Variants in NEDD9 observed in about 807,000 individuals in gnomAD.
NEDD9 encodes the protein neural precursor cell expressed, developmentally down-regulated 9, also known as enhancer of filamentation 1.
Under a neutral mutation model 76.6 loss-of-function variants are expected in NEDD9, and 26 were observed. That is an observed-to-expected ratio of 0.34 (90% CI 0.25 to 0.47). The LOEUF is 0.47. Among genes scored for constraint, NEDD9 ranks in the 20% least tolerant of loss-of-function variants. The probability of loss-of-function intolerance (pLI) is 1.00; values close to 1 mark genes in which losing one functional copy is unlikely to be tolerated. For missense variants in NEDD9, 937 were observed against 1,058.5 expected (o/e 0.89, Z 1.59); for synonymous variants, 392 against 414.2 (o/e 0.95, Z 0.65).
chr6:11,280,029 T>C (rs1031255535), intron 3 of NEDD9, among the ~76,000 whole-genome samples: 2 of 152,124 alleles, frequency 1.3e-5, no homozygotes, highest in African/African-American at 4.8e-5. Context: ...CTATTGACAT[T>C]TGGGGCCAGA....
rs1757931394 is a variant in NEDD9, at chr6:11,184,663, T to G, written c.*499A>C. The G allele has an allele frequency of 6.4e-6, 1 of 155,110 alleles. No homozygotes were observed. Among genetic ancestry groups the G allele is most frequent in the Admixed American group, 6.3e-5 (1 of 15,866 alleles). The allele number at this position is 155,110 out of a possible 1,614,324, so 9.6% of individuals were successfully genotyped here. ...CAAGAATAAGTCATGCTATGCCTCA[T>G]GATTTGGAAGGTGAACACTTGCAAA... On this transcript the variant is annotated 3_prime_UTR_variant, in exon 7 of 7. Transcript: ENST00000379446.
At position 11,237,893 on chromosome 6, in the gene NEDD9, G is replaced by A. The variant is rs1371964255; in HGVS notation, c.13-24166C>T. ...AAGCTGAGTGAGTGCTAGACCAGAG[G>A]AACAAGCCCAGTCCTAAAAAGGAAC... is the stretch of plus-strand genomic sequence containing the variant. On this transcript the variant is annotated intron_variant, in intron 3 of 3. Coordinates refer to the NEDD9 transcript ENST00000397378. The surrounding 1 kb of genome is among the most constrained non-coding windows in gnomAD (Gnocchi z 4.9). Among the ~76,000 whole-genome samples the A allele has an allele frequency of 6.6e-6, 1 of 152,106 alleles. No homozygotes were observed. The highest frequency in any genetic ancestry group is 1.5e-5 in the Non-Finnish European group (1 of 68,012).
At chr6:11,200,578 C>G in intron 2 of NEDD9, 1 of 1,078,326 alleles carries the variant, frequency 9.3e-7, no homozygotes, top group Non-Finnish European at 1.1e-6. Flanking sequence ...TGTTTCCTTT[C>G]AAAATGTTTT....
At chr6:11,245,544 CA>C (rs1281932181) in intron 3 of NEDD9, among the ~76,000 whole-genome samples, 3 of 152,170 alleles carry the variant, frequency 2.0e-5, no homozygotes, top group African/African-American at 7.2e-5. Context: ...TTGGGAGCTA[CA>C]AAGATGAATA....
chr6:11,227,581 G>A (rs1249365399), intron 1 of NEDD9, among the ~76,000 whole-genome samples: 3 of 152,040 alleles, frequency 2.0e-5, no homozygotes, highest in Non-Finnish European at 4.4e-5. Context: ...ACCAAGTCTT[G>A]GCCCCCTCAA....
chr6:11,242,428 CT>C (rs1256445941), intron 3 of NEDD9, among the ~76,000 whole-genome samples: 1 of 152,118 alleles, frequency 6.6e-6, no homozygotes, highest in Non-Finnish European at 1.5e-5. Flanking sequence ...GCTTTTGGAG[CT>C]TCTGGTCTTA....
chr6:11,322,817 A>G (rs760240401), intron 2 of NEDD9, among the ~76,000 whole-genome samples: 10 of 152,308 alleles, frequency 6.6e-5, no homozygotes, highest in Non-Finnish European at 1.3e-4. Context: ...GGGGACCTGC[A>G]TTGTTTGCAA....
In NEDD9 at chr6:11,185,520, T is replaced by G. The variant is rs1206576454; in HGVS notation, c.2147A>C (p.Glu716Ala). The G allele has an allele frequency of 3.7e-6, 6 of 1,614,062 alleles. No individual in the cohort carries two copies. Among genetic ancestry groups the G allele is most frequent in the Non-Finnish European group, 5.1e-6 (6 of 1,180,032 alleles). The change falls in exon 7 of 7, where the codon GAG (glutamate) becomes GCG (alanine). Residue 716 changes from glutamate (E) to alanine (A), a missense_variant. Glu to Ala is a moderately radical substitution (Grantham distance 107). Transcript: ENST00000379446. ...GTTGAGAAGGGAAATGAAATGGGTC[T>G]CACATTGGTCATAGTAGAAGCACAG... is the stretch of plus-strand genomic sequence containing the variant. Reference protein sequence around the residue: ...QLLCFYYDQCETHFISLLNAI... With the variant: ...QLLCFYYDQCATHFISLLNAI...
chr6:11,357,215 C>A (rs1256078611), intron 1 of NEDD9, among the ~76,000 whole-genome samples: 2 of 152,174 alleles, frequency 1.3e-5, no homozygotes, highest in African/African-American at 4.8e-5. Context: ...GCTGCTCTAA[C>A]CCTTTACTCC....
chr6:11,204,738 G>GA (rs1268912263), intron 2 of NEDD9, among the ~76,000 whole-genome samples: 1 of 115,800 alleles, frequency 8.6e-6, no homozygotes, highest in Non-Finnish European at 1.6e-5. Context: ...AAAAAAAAAA[G>GA]AAAGAAAGAA....
chr6:11,234,310 A>C (rs1186563744), upstream of NEDD9, among the ~76,000 whole-genome samples: 1 of 152,210 alleles, frequency 6.6e-6, no homozygotes, highest in Non-Finnish European at 1.5e-5. Flanking sequence ...GTCTACCTGG[A>C]TAAAGGAGGA....
chr6:11,305,125 GC>G (rs1451790940), intron 3 of NEDD9: 2 of 1,289,040 alleles, frequency 1.6e-6, no homozygotes, highest in Non-Finnish European at 2.0e-6. Context: ...GGTGCCCAGA[GC>G]TTTTTTATTT....
At position 11,185,667 on chromosome 6, in the gene NEDD9, C is replaced by G; in HGVS notation, c.2000G>C (p.Ser667Thr). Reference sequence around the variant, plus strand: ...CTCTTGTTCCAACAGCTGGAACTGGCTCAGCTGCAAGGAAGACGAAAGCAG... The same window carrying G: ...CTCTTGTTCCAACAGCTGGAACTGGGTCAGCTGCAAGGAAGACGAAAGCAG... Reference protein sequence around the residue: ...NKMQLEHHQLSQFQLLEQEIT... With the variant: ...NKMQLEHHQLTQFQLLEQEIT... Residue 667 changes from serine (S) to threonine (T), a missense_variant, in exon 7 of 7, where the codon AGC (serine) becomes ACC (threonine). Coordinates refer to ENST00000379446, the MANE Select transcript of NEDD9 (RefSeq NM_006403.4). The G allele has an allele frequency of 1.2e-6, 2 of 1,614,044 alleles. No homozygotes were observed. The highest frequency in any genetic ancestry group is 1.7e-6 in the Non-Finnish European group (2 of 1,179,972).
chr6:11,287,226 G>A (rs764835807), intron 3 of NEDD9, among the ~76,000 whole-genome samples: 1 of 152,094 alleles, frequency 6.6e-6, no homozygotes, highest in Non-Finnish European at 1.5e-5. Context: ...TCAGGAGTTC[G>A]AGACCAGCCT....
rs751921409 is a variant in NEDD9 at position 11,190,025 on chromosome 6, C to G, written c.1844G>C (p.Cys615Ser). Reference sequence around the variant, plus strand: ...CCTCTCAGAACCATCACTGCTGCTACAGTCAGGGGCCTGCTCCTTGCTCAG... The same window carrying G: ...CCTCTCAGAACCATCACTGCTGCTAGAGTCAGGGGCCTGCTCCTTGCTCAG... ...PGLSKEQAPDCSSSDGSERSW... is the reference protein window; with the variant it reads ...PGLSKEQAPDSSSSDGSERSW... The change falls in exon 5 of 7, where the codon TGT becomes TCT. Residue 615 changes from cysteine to serine, a missense_variant. Coordinates refer to ENST00000379446, the MANE Select transcript of NEDD9 (RefSeq NM_006403.4). The surrounding 1 kb of genome is among the most constrained non-coding windows in gnomAD (Gnocchi z 5.8). 43 of 1,542,080 alleles carry G rather than the reference C, an allele frequency of 2.8e-5. No individual in the cohort carries two copies. The highest frequency in any genetic ancestry group is 1.2e-4 in the Admixed American group (6 of 48,688).
At chr6:11,322,966 C>A (rs1428751875) in intron 2 of NEDD9, among the ~76,000 whole-genome samples, 1 of 152,218 alleles carries the variant, frequency 6.6e-6, no homozygotes, top group Non-Finnish European at 1.5e-5. Context: ...TAATTCCCGG[C>A]ATGGGAGTCA....
intron 3 of NEDD9, among the ~76,000 whole-genome samples, chr6:11,263,904 C>A (rs1377953264): frequency 1.3e-5 from 2 of 152,174 alleles, no homozygotes; most frequent in African/African-American, 4.8e-5. Context: ...TCACAATAAT[C>A]CATGTAGATA....
intron 2 of NEDD9, among the ~76,000 whole-genome samples, chr6:11,325,870 T>G (rs112914787): frequency 1.3e-5 from 2 of 152,216 alleles, no homozygotes; most frequent in African/African-American, 4.8e-5. Context: ...CTTGGCTGGG[T>G]GCAGAGGCTC....
chr6:11,336,398 G>T (rs1762162350), intron 1 of NEDD9, among the ~76,000 whole-genome samples: 1 of 152,238 alleles, frequency 6.6e-6, no homozygotes, highest in Non-Finnish European at 1.5e-5. Flanking sequence ...GGCTACAAAA[G>T]TAGACAGCAT....
Sources: gnomAD v4.1 joint callset for allele counts (sites outside exome capture counted in the v4.1 genomes callset) on GRCh38, gnomAD v4.1.1 for gene constraint, Gnocchi (gnomAD v3.1) non-coding constraint, MANE v1.5 for transcripts, NCBI Gene and HGNC (gene_info 2026-07-23, HGNC 2026-07-21) for gene names.